KCNQ5: variants seen among roughly 807,000 people sequenced by gnomAD.
KCNQ5 encodes potassium voltage-gated channel subfamily Q member 5.
Under a neutral mutation model 98.2 loss-of-function variants are expected in KCNQ5, and 30 were observed. The ratio of observed to expected loss-of-function variants is 0.31; its 90% CI spans 0.23 to 0.41. KCNQ5 has a LOEUF of 0.41. Among genes scored for constraint, KCNQ5 ranks in the 10% least tolerant of loss-of-function variants. The pLI is 1.00. For synonymous variants in KCNQ5, 458 were observed against 449.4 expected (o/e 1.02, Z -0.24); for missense variants, 835 against 1,182.5 (o/e 0.71, Z 4.31).
intron 1 of KCNQ5, among the ~76,000 whole-genome samples, chr6:72,699,912 A>C (rs975915800): frequency 3.3e-5 from 5 of 152,164 alleles, no homozygotes; most frequent in Admixed American, 6.5e-5. Flanking sequence ...CTTTCCATGC[A>C]ACACACCTTA....
intron 1 of KCNQ5, among the ~76,000 whole-genome samples, chr6:72,888,871 C>T (rs1018770124): frequency 6.6e-6 from 1 of 152,060 alleles, no homozygotes; most frequent in Non-Finnish European, 1.5e-5. Flanking sequence ...CTTTTATAGG[C>T]ACTGGGGATA....
At chr6:72,759,914 C>T (rs1372289597) in intron 1 of KCNQ5, among the ~76,000 whole-genome samples, 2 of 151,914 alleles carry the variant, frequency 1.3e-5, no homozygotes. Flanking sequence ...AATGGAAGTG[C>T]CTGTGAGGCT....
intron 1 of KCNQ5, among the ~76,000 whole-genome samples, chr6:72,717,915 C>T (rs1237233546): frequency 2.0e-5 from 3 of 152,150 alleles, no homozygotes; most frequent in Non-Finnish European, 2.9e-5. Context: ...TTTTACGGTA[C>T]AGTACTACCA....
At chr6:72,797,147 C>T (rs1774380454) in intron 1 of KCNQ5, among the ~76,000 whole-genome samples, 1 of 152,064 alleles carries the variant, frequency 6.6e-6, no homozygotes, top group Non-Finnish European at 1.5e-5. Context: ...CTAATTTATT[C>T]ACTATTCCCG....
intron 1 of KCNQ5, among the ~76,000 whole-genome samples, chr6:72,900,612 A>C (rs1221611296): frequency 6.6e-6 from 1 of 150,960 alleles, no homozygotes; most frequent in Non-Finnish European, 1.5e-5. Flanking sequence ...TGCTATAAAC[A>C]TGCATGTGCA....
chr6:73,170,576 A>G (rs1457079881), intron 11 of KCNQ5, among the ~76,000 whole-genome samples: 26 of 151,052 alleles, frequency 1.7e-4, no homozygotes, highest in South Asian at 4.2e-4. Flanking sequence ...CAAAAAAAAA[A>G]AAAAGAAAAG....
chr6:73,155,340 C>T (rs1188132833), intron 10 of KCNQ5, among the ~76,000 whole-genome samples: 2 of 152,172 alleles, frequency 1.3e-5, no homozygotes, highest in Non-Finnish European at 1.5e-5. Flanking sequence ...ATTGTTAGTG[C>T]CCCATGCATA....
chr6:73,041,230 G>A (rs1771672932), intron 2 of KCNQ5, among the ~76,000 whole-genome samples: 1 of 152,116 alleles, frequency 6.6e-6, no homozygotes, highest in Non-Finnish European at 1.5e-5. Flanking sequence ...CTTTCCCCAG[G>A]GTTAACTCAC....
intron 1 of KCNQ5, among the ~76,000 whole-genome samples, chr6:72,922,716 T>A (rs1342309523): frequency 1.3e-5 from 2 of 152,140 alleles, no homozygotes; most frequent in African/African-American, 4.8e-5. Context: ...GTTTCATCCA[T>A]GTTTTGGCAA....
intron 1 of KCNQ5, among the ~76,000 whole-genome samples, chr6:72,912,710 G>A (rs1779989665): frequency 6.6e-6 from 1 of 152,094 alleles, no homozygotes; most frequent in African/African-American, 2.4e-5. Flanking sequence ...CACATAAAAG[G>A]AATGAATCTT....
chr6:72,860,184 A>G lies in KCNQ5; in HGVS notation c.399-143724A>G, dbSNP rs1346265690. Among the ~76,000 whole-genome samples the G allele has an allele frequency of 5.3e-5, 8 of 152,198 alleles. No homozygotes were observed. In the South Asian group the frequency reaches 1.0e-3, roughly 20 times the overall value. Reference sequence around the variant, plus strand: ...TGTGAGGCTCCTGATGCTAAGTGTCACAAGCACGATGACACTTCTCCAGCC... The same window carrying G: ...TGTGAGGCTCCTGATGCTAAGTGTCGCAAGCACGATGACACTTCTCCAGCC... On this transcript the variant is annotated intron_variant, in intron 1 of 13. Transcript: ENST00000370398.
intron 5 of KCNQ5, among the ~76,000 whole-genome samples, chr6:73,083,426 T>C (rs1773859474): frequency 6.6e-6 from 1 of 152,092 alleles, no homozygotes; most frequent in African/African-American, 2.4e-5. Context: ...ATCTTAAATA[T>C]TTAGGACTCT....
chr6:73,013,220 A>G (rs562855422), intron 2 of KCNQ5, among the ~76,000 whole-genome samples: 2 of 152,292 alleles, frequency 1.3e-5, no homozygotes, highest in South Asian at 4.1e-4. Flanking sequence ...TGTGTTCACA[A>G]TAGCCACTTA....
intron 5 of KCNQ5, among the ~76,000 whole-genome samples, chr6:73,090,986 T>G (rs952955615): frequency 2.0e-5 from 3 of 152,134 alleles, no homozygotes; most frequent in African/African-American, 4.8e-5. Flanking sequence ...ATACCCAAAG[T>G]ATTATAAATC....
At chr6:73,140,835 G>A (rs16883387) in intron 10 of KCNQ5, among the ~76,000 whole-genome samples, 1 of 152,032 alleles carries the variant, frequency 6.6e-6, no homozygotes, top group Admixed American at 6.6e-5. Flanking sequence ...TGATCCATAG[G>A]TGTCTTTTTT....
chr6:72,810,844 C>T (rs73756525), intron 1 of KCNQ5, among the ~76,000 whole-genome samples: 3,848 of 152,230 alleles, frequency 0.025, 151 homozygotes, highest in African/African-American at 0.086. Context: ...AACAATTTTC[C>T]CCAGCTACAA....
chr6:72,828,120 T>C (rs1324131031), intron 1 of KCNQ5, among the ~76,000 whole-genome samples: 8 of 152,172 alleles, frequency 5.3e-5, no homozygotes, highest in Admixed American at 5.2e-4. Flanking sequence ...TATGCTGTTG[T>C]AGTTCCTGCA....
intron 1 of KCNQ5, among the ~76,000 whole-genome samples, chr6:72,845,088 T>C (rs534957541): frequency 2.0e-5 from 3 of 152,318 alleles, no homozygotes; most frequent in South Asian, 2.1e-4. Context: ...GAAAATCTTA[T>C]GAAAAGACTT....
At chr6:73,081,230 T>C (rs1443050244) in intron 5 of KCNQ5, among the ~76,000 whole-genome samples, 2 of 152,202 alleles carry the variant, frequency 1.3e-5, no homozygotes, top group East Asian at 3.8e-4. Context: ...TAAAGTTGCA[T>C]TGATGGCAGA....
Sources: allele counts gnomAD v4.1 joint callset (sites outside exome capture counted in the v4.1 genomes callset), GRCh38; gene constraint gnomAD v4.1.1; transcripts MANE v1.5; gene names NCBI Gene and HGNC (gene_info 2026-07-23, HGNC 2026-07-21).